The following MAGI1 variants were observed in gnomAD, a reference collection of about 807,000 sequenced individuals.
MAGI1 encodes membrane-associated guanylate kinase, WW and PDZ domain-containing protein 1.
MAGI1 carries 58 observed loss-of-function variants against 139.9 expected under a neutral mutation model. That is an observed-to-expected ratio of 0.41 (90% CI 0.34 to 0.52). The LOEUF is 0.52. Ranked by LOEUF, MAGI1 falls within the 20% of genes least tolerant of loss-of-function variation. MAGI1 has a pLI of 0.12. For synonymous variants in MAGI1, 812 were observed against 737.9 expected (o/e 1.10, Z -1.63); for missense variants, 1,874 against 1,901.6 (o/e 0.99, Z 0.27).
intron 2 of MAGI1, among the ~76,000 whole-genome samples, chr3:65,576,697 C>G (rs989792427): frequency 6.6e-6 from 1 of 152,164 alleles, no homozygotes; most frequent in African/African-American, 2.4e-5. Flanking sequence ...CTCATACATT[C>G]CAGGAAGCCT....
At position 65,411,230 on chromosome 3, in the gene MAGI1, G is replaced by A. The variant is rs150651445; in HGVS notation, c.2168-9760C>T. ...TTTGTAATTGTGGCATTTAGAAGTC[G>A]GGTCTTGTCTTCATCTAAAAATGCT... On this transcript the variant is annotated intron_variant, in intron 12 of 22. Transcript: ENST00000402939. 2.6e-4 allele frequency among the ~76,000 whole-genome samples: 40 copies of A among 152,152 alleles called. No individual in the cohort carries two copies. The East Asian group carries it at 3.9e-3, about 15-fold the overall frequency.
chr3:65,529,320 T>C (rs9836598), intron 2 of MAGI1, among the ~76,000 whole-genome samples: 38,125 of 151,984 alleles, frequency 0.25, 5,093 homozygotes, highest in Middle Eastern at 0.31. Flanking sequence ...TCTGGAACAT[T>C]TCATCACCAC....
In MAGI1 at chr3:65,453,216, TG is replaced by T. The variant is rs749775786; in HGVS notation, c.1042+41del. On this transcript the variant is annotated intron_variant, in intron 6 of 22. Transcript: ENST00000402939. ...CTTTAAAATTTGCACATGTGAACAG[TG>T]CCCCCAATTCACTTAACCCAAGACC... 3 of 1,555,612 alleles carry T rather than the reference TG, an allele frequency of 1.9e-6. No individual in the cohort carries two copies. The South Asian group carries it at 3.3e-5, about 17-fold the overall frequency.
At chr3:65,778,572 C>T (rs147287832) in intron 1 of MAGI1, among the ~76,000 whole-genome samples, 2 of 152,244 alleles carry the variant, frequency 1.3e-5, no homozygotes, top group African/African-American at 4.8e-5. Context: ...TCACTCCACA[C>T]CCAGAAGATG....
At chr3:65,383,447 A>G in intron 15 of MAGI1, 85 bp downstream of exon 15, 1 of 984,800 alleles carries the variant, frequency 1.0e-6, no homozygotes, top group Non-Finnish European at 1.6e-6. Context: ...AGCTGGACTT[A>G]AATCTTGGTG....
At chr3:65,490,952 G>A (rs998803495) in intron 3 of MAGI1, among the ~76,000 whole-genome samples, 5 of 151,644 alleles carry the variant, frequency 3.3e-5, no homozygotes, top group Non-Finnish European at 7.4e-5. Flanking sequence ...AAATGGGTTA[G>A]AACTGGAAAA....
chr3:65,866,961 C>G (rs185738470), intron 1 of MAGI1, among the ~76,000 whole-genome samples: 6 of 152,286 alleles, frequency 3.9e-5, no homozygotes, highest in Admixed American at 3.9e-4. Context: ...GTGAACTCAG[C>G]AACATCCACC....
chr3:65,716,206 G>C (rs1032878812), intron 1 of MAGI1, among the ~76,000 whole-genome samples: 1 of 152,174 alleles, frequency 6.6e-6, no homozygotes, highest in Non-Finnish European at 1.5e-5. Flanking sequence ...CTAGCCTAAG[G>C]ATCTGGGATA....
intron 1 of MAGI1, among the ~76,000 whole-genome samples, chr3:65,836,508 A>G (rs1259564320): frequency 1.3e-5 from 2 of 152,188 alleles, no homozygotes; most frequent in African/African-American, 4.8e-5. Context: ...ACCAATAGGA[A>G]AGATGATGGT....
chr3:65,530,964 T>A (rs183143621), intron 2 of MAGI1, among the ~76,000 whole-genome samples: 54 of 150,934 alleles, frequency 3.6e-4, no homozygotes, highest in Non-Finnish European at 6.6e-4. Context: ...CCCATAAATT[T>A]CTATTTGCAT....
chr3:65,642,370 T>G (rs1262451086), intron 1 of MAGI1, among the ~76,000 whole-genome samples: 1 of 152,152 alleles, frequency 6.6e-6, no homozygotes, highest in East Asian at 1.9e-4. Context: ...TGGTCAAACA[T>G]GCTATGACCA....
chr3:65,499,417 A>AGGCG (rs2076998523), intron 2 of MAGI1, among the ~76,000 whole-genome samples: 1 of 152,210 alleles, frequency 6.6e-6, no homozygotes, highest in East Asian at 1.9e-4. Flanking sequence ...TGGGAGGCCG[A>AGGCG]GGTGGCCAGA....
chr3:65,933,618 A>G (rs977421401), intron 1 of MAGI1, among the ~76,000 whole-genome samples: 2 of 152,194 alleles, frequency 1.3e-5, no homozygotes, highest in African/African-American at 4.8e-5. Context: ...ATACAAGGCC[A>G]TGAATATATG....
intron 1 of MAGI1, among the ~76,000 whole-genome samples, chr3:65,896,731 G>T (rs2060985302): frequency 6.6e-6 from 1 of 152,130 alleles, no homozygotes; most frequent in South Asian, 2.1e-4. Flanking sequence ...AATATGGACA[G>T]TATACATCCA....
At chr3:65,878,983 GCCTGAGCT>G (rs2060225164) in intron 1 of MAGI1, among the ~76,000 whole-genome samples, 1 of 152,130 alleles carries the variant, frequency 6.6e-6, no homozygotes, top group Admixed American at 6.5e-5. Flanking sequence ...TGCCCCTGCT[GCCTGAGCT>G]CCTGCTGGGG....
intron 1 of MAGI1, among the ~76,000 whole-genome samples, chr3:65,909,507 C>T (rs564018552): frequency 6.6e-6 from 1 of 152,020 alleles, no homozygotes. Context: ...TGCACTCCAA[C>T]CTGGGTGACA....
Position 65,500,777 on chromosome 3 carries a change from A to G in MAGI1, c.431-7146T>C, listed in dbSNP as rs2077050569. 2.0e-5 allele frequency among the ~76,000 whole-genome samples: 3 copies of G among 152,234 alleles called. 1 individual carries two copies. The South Asian group carries it at 6.2e-4, about 32-fold the overall frequency. On this transcript the variant is annotated intron_variant, in intron 2 of 22. Coordinates refer to ENST00000402939, the MANE Select transcript of MAGI1 (RefSeq NM_001033057.2). ...AAAATAATCAGCCCACAAAGATTAC[A>G]TTGTCAATATTCCATGATATCACCT...
intron 2 of MAGI1, among the ~76,000 whole-genome samples, chr3:65,493,946 A>C (rs751651522): frequency 3.3e-5 from 5 of 152,246 alleles, no homozygotes; most frequent in South Asian, 4.1e-4. Context: ...GATTTTATAC[A>C]GACAACATTC....
rs13327096 is a variant in MAGI1, at chr3:65,949,118, T to G, written c.313+88878A>C. On this transcript the variant is annotated intron_variant, in intron 1 of 22. Transcript: ENST00000402939. ...ACTTCCATTGCTGCCAACATGACAT[T>G]TGGCTATAAATTTTTATTCACTCCA... 3.9e-5 allele frequency among the ~76,000 whole-genome samples: 6 copies of G among 152,278 alleles called. No homozygotes were observed. In the South Asian group the frequency reaches 1.0e-3, roughly 26 times the overall value.
Sources: allele counts gnomAD v4.1 joint callset (sites outside exome capture counted in the v4.1 genomes callset), GRCh38; gene constraint gnomAD v4.1.1; transcripts MANE v1.5; gene names NCBI Gene and HGNC (gene_info 2026-07-23, HGNC 2026-07-21).